The following RALB variants were observed in gnomAD, a reference collection of about 807,000 sequenced individuals.
RALB encodes RAS like proto-oncogene B.
Under a neutral mutation model 21.3 loss-of-function variants are expected in RALB, and 16 were observed. The ratio of observed to expected loss-of-function variants is 0.75; its 90% CI spans 0.51 to 1.14. RALB has a LOEUF of 1.14. Ranked by LOEUF, RALB falls within the 50% of genes most tolerant of loss-of-function variation. The probability of loss-of-function intolerance (pLI) is 0.00; values close to 1 mark genes in which losing one functional copy is unlikely to be tolerated. For missense variants in RALB, 161 were observed against 256.2 expected (o/e 0.63, Z 2.54); for synonymous variants, 93 against 96.1 (o/e 0.97, Z 0.19).
chr2:120,265,755 A>G (rs1336754450), intron 1 of RALB, among the ~76,000 whole-genome samples: 1 of 144,898 alleles, frequency 6.9e-6, no homozygotes, highest in Admixed American at 7.0e-5. Context: ...GAGTGTATGC[A>G]ATATACTAGA....
chr2:120,281,263 C>T lies in RALB; in HGVS notation c.114+2485C>T, dbSNP rs369566164. On this transcript the variant is annotated intron_variant, in intron 2 of 4. Transcript: ENST00000272519. ...TTGCCCGCAGGCCCCTGCCATGTGCCGTCTCCATAGGCAGCTCATACCACA... is the reference window on the plus strand; with the variant it reads ...TTGCCCGCAGGCCCCTGCCATGTGCTGTCTCCATAGGCAGCTCATACCACA... 6.6e-5 allele frequency among the ~76,000 whole-genome samples: 10 copies of T among 152,312 alleles called. No homozygotes were observed. In the South Asian group the frequency reaches 2.1e-3, roughly 32 times the overall value.
chr2:120,267,128 C>T (rs1374691526), intron 1 of RALB, among the ~76,000 whole-genome samples: 1 of 152,166 alleles, frequency 6.6e-6, no homozygotes, highest in African/African-American at 2.4e-5. Flanking sequence ...CAGCCTCCTG[C>T]TTACAGGAAG....
chr2:120,253,487 T>TA, intron 1 of RALB: 1 of 985,796 alleles, frequency 1.0e-6, no homozygotes, highest in Non-Finnish European at 1.2e-6. Flanking sequence ...ATAAAGTTGT[T>TA]TCTCCCCCAG....
intron 1 of RALB, among the ~76,000 whole-genome samples, chr2:120,259,080 G>A (rs1302387573): frequency 2.0e-5 from 3 of 151,620 alleles, no homozygotes; most frequent in Admixed American, 6.6e-5. Flanking sequence ...TGCTGGGCTC[G>A]GGAGTGAAGC....
At chr2:120,288,342 G>GTTTTTTGTT (rs1690218321) in intron 3 of RALB, among the ~76,000 whole-genome samples, 1 of 117,092 alleles carries the variant, frequency 8.5e-6, no homozygotes, top group Non-Finnish European at 1.7e-5. Flanking sequence ...GAAAATTTTA[G>GTTTTTTGTT]TTTTTTTTTT....
chr2:120,293,014 C>T, intron 4 of RALB, 127 bp from the exon 5 acceptor site: 1 of 975,338 alleles, frequency 1.0e-6, no homozygotes, highest in Non-Finnish European at 1.4e-6. Context: ...ACTACATATC[C>T]TGCTTAGTCA....
chr2:120,246,890 G>C (rs1245214696), intron 1 of RALB, among the ~76,000 whole-genome samples: 1 of 152,162 alleles, frequency 6.6e-6, no homozygotes, highest in African/African-American at 2.4e-5. Context: ...GGACAGCTTA[G>C]CTGGGGAGGG....
intron 1 of RALB, among the ~76,000 whole-genome samples, chr2:120,246,036 G>T (rs4241155): frequency 2.0e-5 from 3 of 152,026 alleles, no homozygotes; most frequent in African/African-American, 7.2e-5. Context: ...TTTACCCCCC[G>T]ACACCACCCC....
At chr2:120,245,395 G>A (rs759804254) in intron 1 of RALB, among the ~76,000 whole-genome samples, 7 of 152,194 alleles carry the variant, frequency 4.6e-5, no homozygotes, top group Non-Finnish European at 8.8e-5. Flanking sequence ...GTGAGATCCT[G>A]AACTGCTGAG....
intron 1 of RALB, among the ~76,000 whole-genome samples, chr2:120,240,690 G>A (rs981675110): frequency 2.0e-5 from 3 of 152,172 alleles, no homozygotes; most frequent in Non-Finnish European, 4.4e-5. Context: ...ACACAGGCCT[G>A]CTATCCCCAG....
intron 1 of RALB, among the ~76,000 whole-genome samples, chr2:120,261,955 T>C (rs2104595181): frequency 6.6e-6 from 1 of 152,150 alleles, no homozygotes; most frequent in South Asian, 2.1e-4. Flanking sequence ...ACCATGATAA[T>C]GTTAGATAGA....
intron 1 of RALB, among the ~76,000 whole-genome samples, chr2:120,272,764 T>C (rs1440493595): frequency 6.6e-6 from 1 of 152,176 alleles, no homozygotes; most frequent in African/African-American, 2.4e-5. Flanking sequence ...GTTCATGCGA[T>C]GTCCCTCCAG....
intron 1 of RALB, among the ~76,000 whole-genome samples, chr2:120,276,403 G>T (rs924138652): frequency 6.6e-6 from 1 of 152,144 alleles, no homozygotes; most frequent in Non-Finnish European, 1.5e-5. Context: ...AGGAGTTTGA[G>T]ACCAGCCTGG....
At position 120,259,978 on chromosome 2, in the gene RALB, G is replaced by A. The variant is rs556968068; in HGVS notation, c.-48+6998G>A. Among the ~76,000 whole-genome samples the A allele has an allele frequency of 1.1e-4, 17 of 152,336 alleles. No individual in the cohort carries two copies. The East Asian group carries it at 2.3e-3, about 21-fold the overall frequency. On this transcript the variant is annotated intron_variant, in intron 1 of 4. Coordinates refer to ENST00000272519, the MANE Select transcript of RALB (RefSeq NM_002881.3). Reference sequence around the variant, plus strand: ...TGCTGGGGGACTCAGTACACCCTCCGCAGCCACTGGCCTGGCTGCTAAGTC... The same window carrying A: ...TGCTGGGGGACTCAGTACACCCTCCACAGCCACTGGCCTGGCTGCTAAGTC...
intron 1 of RALB, among the ~76,000 whole-genome samples, chr2:120,267,901 C>T (rs1384346705): frequency 6.6e-6 from 1 of 152,244 alleles, no homozygotes; most frequent in African/African-American, 2.4e-5. Flanking sequence ...AAGCGATTCT[C>T]CTGCCTCAGC....
chr2:120,243,008 T>C (rs1331266029), intron 1 of RALB, among the ~76,000 whole-genome samples: 4 of 152,222 alleles, frequency 2.6e-5, no homozygotes, highest in African/African-American at 4.8e-5. Context: ...CATTGTATTA[T>C]GTAATCTTTC....
At chr2:120,242,084 C>A (rs142539829) in intron 1 of RALB, among the ~76,000 whole-genome samples, 135 of 152,200 alleles carry the variant, frequency 8.9e-4, no homozygotes, top group African/African-American at 3.1e-3. Context: ...TCAGCTTCAA[C>A]AAGGAAGGAA....
At chr2:120,276,818 TG>T (rs1689807746) in intron 1 of RALB, among the ~76,000 whole-genome samples, 1 of 152,112 alleles carries the variant, frequency 6.6e-6, no homozygotes, top group South Asian at 2.1e-4. Flanking sequence ...AGGTAGGTGG[TG>T]GTTGGTTTTA....
chr2:120,272,039 C>G (rs1689677652), intron 1 of RALB, among the ~76,000 whole-genome samples: 1 of 152,124 alleles, frequency 6.6e-6, no homozygotes, highest in South Asian at 2.1e-4. Context: ...GACTGGGTGG[C>G]TTAAACAACA....
Sources: gnomAD v4.1 joint callset for allele counts (sites outside exome capture counted in the v4.1 genomes callset) on GRCh38, gnomAD v4.1.1 for gene constraint, MANE v1.5 for transcripts, NCBI Gene and HGNC (gene_info 2026-07-23, HGNC 2026-07-21) for gene names.